PCDH15: variants seen among roughly 807,000 people sequenced by gnomAD.
PCDH15 encodes the protein protocadherin-15.
A neutral mutation model predicts 178.5 loss-of-function variants in PCDH15; 129 were observed. The ratio of observed to expected loss-of-function variants is 0.72; its 90% CI spans 0.63 to 0.84. The LOEUF (loss-of-function observed/expected upper bound fraction) is 0.84. PCDH15 is among the 40% of genes least tolerant of loss of function. The pLI is 0.00. For synonymous variants in PCDH15, 800 were observed against 732.0 expected, an observed-to-expected ratio of 1.09 and a Z score of -1.50; for missense variants, 2,230 against 2,099.9, an observed-to-expected ratio of 1.06 and a Z score of -1.21.
At chr10:54,379,968 C>T (rs1474464821) in intron 3 of PCDH15, among the ~76,000 whole-genome samples, 5 of 151,848 alleles carry the variant, frequency 3.3e-5, no homozygotes, top group East Asian at 1.9e-4. Flanking sequence ...AAAAATATAA[C>T]GAAAAAAGTA....
intron 2 of PCDH15, among the ~76,000 whole-genome samples, chr10:54,899,779 G>A (rs542481071): frequency 6.6e-6 from 1 of 152,168 alleles, no homozygotes; most frequent in South Asian, 2.1e-4. Flanking sequence ...ATAAGCATGA[G>A]CCACCGTGCC....
chr10:53,933,752 G>T (rs993941370), intron 25 of PCDH15, among the ~76,000 whole-genome samples: 1 of 152,118 alleles, frequency 6.6e-6, no homozygotes, highest in Non-Finnish European at 1.5e-5. Flanking sequence ...TCGCCACACT[G>T]ACTTCCACAG....
At chr10:55,097,135 G>C (rs1842465840) in intron 2 of PCDH15, among the ~76,000 whole-genome samples, 1 of 152,162 alleles carries the variant, frequency 6.6e-6, no homozygotes, top group African/African-American at 2.4e-5. Flanking sequence ...TATGTGTCCA[G>C]TACTCTACTA....
intron 2 of PCDH15, among the ~76,000 whole-genome samples, chr10:55,385,340 G>A (rs1837629923): frequency 6.6e-6 from 1 of 151,988 alleles, no homozygotes; most frequent in South Asian, 2.1e-4. Context: ...GATAGATTAT[G>A]ATTCCTCTCT....
At chr10:54,859,302 G>A (rs1953797979) in intron 3 of PCDH15, among the ~76,000 whole-genome samples, 1 of 151,958 alleles carries the variant, frequency 6.6e-6, no homozygotes, top group Non-Finnish European at 1.5e-5. Context: ...ATTACAATGA[G>A]CAAAATCCTT....
intron 1 of PCDH15, among the ~76,000 whole-genome samples, chr10:55,283,638 A>G (rs917794984): frequency 6.6e-6 from 1 of 150,856 alleles, no homozygotes; most frequent in Non-Finnish European, 1.5e-5. Flanking sequence ...TCCAGTCACT[A>G]TTAAGTACTT....
intron 16 of PCDH15, among the ~76,000 whole-genome samples, chr10:54,088,220 G>C (rs188713337): frequency 1.3e-5 from 2 of 152,210 alleles, no homozygotes; most frequent in Non-Finnish European, 2.9e-5. Flanking sequence ...ACCTGGTTTT[G>C]CCTTTCTTTA....
chr10:54,130,707 C>T (rs1260158780), intron 15 of PCDH15, among the ~76,000 whole-genome samples: 2 of 152,186 alleles, frequency 1.3e-5, no homozygotes, highest in African/African-American at 2.4e-5. Flanking sequence ...AGCCAATTTG[C>T]TGCTATCTTC....
At chr10:54,692,954 T>C (rs2095153639) in intron 1 of PCDH15, among the ~76,000 whole-genome samples, 1 of 152,046 alleles carries the variant, frequency 6.6e-6, no homozygotes, top group Admixed American at 6.6e-5. Flanking sequence ...GTGCAGAACG[T>C]GCAGGTTCGT....
chr10:54,633,849 A>G (rs1367890804), intron 2 of PCDH15, among the ~76,000 whole-genome samples: 3 of 152,128 alleles, frequency 2.0e-5, no homozygotes, highest in Admixed American at 6.6e-5. Flanking sequence ...AACTAAACCT[A>G]AATCATAAGA....
intron 2 of PCDH15, among the ~76,000 whole-genome samples, chr10:55,145,571 A>AAT (rs761069021): frequency 4.0e-5 from 6 of 151,834 alleles, no homozygotes; most frequent in African/African-American, 7.3e-5. Context: ...AATATAGAGG[A>AAT]ATATATATAT....
chr10:54,164,810 A>AC (rs2046055908), intron 13 of PCDH15, among the ~76,000 whole-genome samples: 1 of 152,172 alleles, frequency 6.6e-6, no homozygotes, highest in Non-Finnish European at 1.5e-5. Context: ...AAGTCATAAG[A>AC]TATTATATCT....
At chr10:54,546,792 A>G (rs971573996) in intron 2 of PCDH15, among the ~76,000 whole-genome samples, 2 of 152,186 alleles carry the variant, frequency 1.3e-5, no homozygotes, top group African/African-American at 4.8e-5. Flanking sequence ...TTCATCTGAT[A>G]CATGAAGAGC....
intron 18 of PCDH15, among the ~76,000 whole-genome samples, chr10:54,047,810 C>A (rs2093686581): frequency 1.3e-5 from 2 of 152,080 alleles, no homozygotes; most frequent in South Asian, 4.1e-4. Context: ...TTTATCAAAT[C>A]CACCATTGTT....
intron 18 of PCDH15, among the ~76,000 whole-genome samples, chr10:54,059,796 A>G (rs985902206): frequency 6.6e-6 from 1 of 152,236 alleles, no homozygotes; most frequent in African/African-American, 2.4e-5. Context: ...GTCATTGGAG[A>G]ATCCTGTATA....
chr10:54,615,345 T>C (rs989679375), intron 2 of PCDH15, among the ~76,000 whole-genome samples: 1 of 152,086 alleles, frequency 6.6e-6, no homozygotes, highest in Admixed American at 6.6e-5. Flanking sequence ...TTTTTAATTC[T>C]GTGTTTCTGG....
rs867779917 is a variant in PCDH15 at position 54,132,004 on chromosome 10, T to C, written c.1917+871A>G. 1.6e-4 allele frequency among the ~76,000 whole-genome samples: 25 copies of C among 152,300 alleles called. No individual in the cohort carries two copies. The Middle Eastern group carries it at 0.014, about 83-fold the overall frequency. On this transcript the variant is annotated intron_variant, in intron 15 of 37. Coordinates refer to ENST00000644397, the MANE Select transcript of PCDH15 (RefSeq NM_001384140.1). ...GTAAAGATTGATGCTGGGATTTTCC[T>C]GGGTTAGTCATGTTAAAATCTCCCC...
chr10:55,137,543 T>G (rs1385056403), intron 2 of PCDH15, among the ~76,000 whole-genome samples: 1 of 152,086 alleles, frequency 6.6e-6, no homozygotes, highest in Non-Finnish European at 1.5e-5. Context: ...CGGGTTTTTT[T>G]TTTTTAAGGG....
At chr10:54,783,795 T>C (rs1950588587) in intron 1 of PCDH15, among the ~76,000 whole-genome samples, 1 of 152,070 alleles carries the variant, frequency 6.6e-6, no homozygotes, top group African/African-American at 2.4e-5. Flanking sequence ...ACATATTGGG[T>C]ACAATCTTCA....
Sources: allele counts gnomAD v4.1 joint callset (sites outside exome capture counted in the v4.1 genomes callset), GRCh38; gene constraint gnomAD v4.1.1; transcripts MANE v1.5; gene names NCBI Gene and HGNC (gene_info 2026-07-23, HGNC 2026-07-21).